Variants in MYLK observed in about 807,000 individuals in gnomAD.
MYLK encodes myosin light chain kinase.
In MYLK, 106 loss-of-function variants were observed where a neutral mutation model predicts 203.4. The observed-to-expected ratio is 0.52, with a 90% CI of 0.45 to 0.61. The LOEUF is 0.61. Among genes scored for constraint, MYLK ranks in the 20% least tolerant of loss-of-function variants. The pLI is 0.00. For missense variants in MYLK, 2,072 were observed against 2,442.3 expected, an observed-to-expected ratio of 0.85 and a Z score of 3.20; for synonymous variants, 867 against 959.5, an observed-to-expected ratio of 0.90 and a Z score of 1.78.
intron 23 of MYLK, among the ~76,000 whole-genome samples, chr3:123,658,813 A>G (rs1294076675): frequency 1.3e-5 from 2 of 152,240 alleles, no homozygotes; most frequent in African/African-American, 4.8e-5. Context: ...ATGTATATAC[A>G]TGTGTATATG....
At chr3:123,662,947 A>G (rs1252808617) in intron 23 of MYLK, among the ~76,000 whole-genome samples, 1 of 152,178 alleles carries the variant, frequency 6.6e-6, no homozygotes, top group Non-Finnish European at 1.5e-5. Context: ...AATGTACCCT[A>G]TAAGCTTGAA....
chr3:123,781,091 C>G (rs996276401), intron 4 of MYLK, among the ~76,000 whole-genome samples: 2 of 152,202 alleles, frequency 1.3e-5, no homozygotes, highest in African/African-American at 2.4e-5. Flanking sequence ...ATCCCGGGAC[C>G]TGCTCAGGGA....
At position 123,677,111 on chromosome 3, in the gene MYLK, A is replaced by G. The variant is rs570366547; in HGVS notation, c.3652+5113T>C. ...GCTTAAGGCCTCTTTCCCTCAGGAC[A>G]CTTTTGCTGCTGTGTGACCTAAACT... On this transcript the variant is annotated intron_variant, in intron 20 of 33. Transcript: ENST00000360304. 3.3e-5 allele frequency among the ~76,000 whole-genome samples: 5 copies of G among 152,280 alleles called. No individual in the cohort carries two copies. The South Asian group carries it at 1.0e-3, about 32-fold the overall frequency.
At chr3:123,849,611 C>T (rs7646900) in intron 2 of MYLK, among the ~76,000 whole-genome samples, 130,065 of 152,180 alleles carry the variant, frequency 0.85, 55,952 homozygotes, top group East Asian at 0.96. Flanking sequence ...AACAGTTTGC[C>T]GGAGAAATGG....
At chr3:123,666,129 C>A (rs1419372731) in intron 22 of MYLK, 90 bp downstream of exon 22, 2 of 1,603,342 alleles carry the variant, frequency 1.2e-6, no homozygotes, top group Non-Finnish European at 1.7e-6. Context: ...GTGAGGCCAT[C>A]TCCAGCACGG....
intron 31 of MYLK, chr3:123,621,583 A>G (rs1015477677): frequency 1.3e-5 from 2 of 152,252 alleles, no homozygotes; most frequent in Non-Finnish European, 2.9e-5. Flanking sequence ...TTGAAAGTGA[A>G]TAACTTCTGG....
At chr3:123,709,019 C>A in intron 14 of MYLK, 124 bp from the exon 15 acceptor site, 2 of 794,794 alleles carry the variant, frequency 2.5e-6, no homozygotes, top group East Asian at 5.3e-5. Context: ...TTTCACTTCC[C>A]CATCAGTAAA....
chr3:123,717,173 C>G (rs546099987), intron 13 of MYLK, among the ~76,000 whole-genome samples: 1 of 152,214 alleles, frequency 6.6e-6, no homozygotes, highest in South Asian at 2.1e-4. Flanking sequence ...AGGATCCATA[C>G]GTTATGTTAA....
chr3:123,770,113 C>T (rs1246287625), intron 4 of MYLK, among the ~76,000 whole-genome samples: 6 of 146,766 alleles, frequency 4.1e-5, no homozygotes, highest in African/African-American at 1.0e-4. Flanking sequence ...GAGTTCGAGA[C>T]GAGGCTGACC....
intron 11 of MYLK, among the ~76,000 whole-genome samples, chr3:123,726,475 C>A (rs1271966758): frequency 5.3e-5 from 8 of 152,142 alleles, no homozygotes; most frequent in Non-Finnish European, 4.4e-5. Flanking sequence ...TTTAATATGT[C>A]CCATCAGTGA....
In MYLK at chr3:123,700,090, T is replaced by C; in HGVS notation, c.3378A>G (p.Pro1126=). 1 of 1,613,920 alleles carries C rather than the reference T, an allele frequency of 6.2e-7. No homozygotes were observed. Among genetic ancestry groups the C allele is most frequent in the Non-Finnish European group, 8.5e-7 (1 of 1,179,952 alleles). The stretch of plus-strand genomic sequence containing the variant: ...CGTTCAGCGTCCAGATGATGGTGGC[T>C]GGGGGGTCAGAAGACACCTGGCACT... ...LLQCQVSSDP[P]ATIIWTLNGK... is the part of the protein sequence containing the mutation. Residue 1126 remains proline (P), a synonymous_variant, in exon 18 of 34, where the codon CCA becomes CCG. Transcript: ENST00000360304.
chr3:123,699,473 T>A (rs2061085450), intron 18 of MYLK, among the ~76,000 whole-genome samples: 2 of 152,220 alleles, frequency 1.3e-5, no homozygotes, highest in African/African-American at 4.8e-5. Context: ...GACAGATCCC[T>A]TCAAACCCAC....
At chr3:123,727,875 G>A (rs570105048) in intron 11 of MYLK, among the ~76,000 whole-genome samples, 2 of 152,226 alleles carry the variant, frequency 1.3e-5, no homozygotes, top group East Asian at 1.9e-4. Flanking sequence ...AGAAAGAGAA[G>A]TCTTGGGAAG....
At chr3:123,632,292 CCT>C (rs2058465216) in intron 29 of MYLK, among the ~76,000 whole-genome samples, 1 of 152,132 alleles carries the variant, frequency 6.6e-6, no homozygotes, top group Non-Finnish European at 1.5e-5. Context: ...CAGGAAGCAG[CCT>C]GTCTCTTGCC....
chr3:123,674,459 T>C (rs1255455013), intron 20 of MYLK, among the ~76,000 whole-genome samples: 5 of 152,214 alleles, frequency 3.3e-5, no homozygotes, highest in African/African-American at 1.2e-4. Flanking sequence ...ATTCAACTCA[T>C]CTTACGAGGT....
At chr3:123,624,230 C>T (rs1275128541) in intron 31 of MYLK, 3 of 151,246 alleles carry the variant, frequency 2.0e-5, no homozygotes, top group Admixed American at 6.6e-5. Context: ...GAGGCCGAGT[C>T]GAGAAGATTG....
At chr3:123,658,893 A>G (rs982076267) in intron 23 of MYLK, among the ~76,000 whole-genome samples, 4 of 152,172 alleles carry the variant, frequency 2.6e-5, no homozygotes, top group Admixed American at 6.5e-5. Context: ...ATTCCAGCCC[A>G]GAATGCACTG....
Position 123,739,042 on chromosome 3 carries a change from G to A in MYLK, c.443C>T (p.Ala148Val), listed in dbSNP as rs2062775229. ...CCAGATGCTAGGACGGGTCTCCACTGCTGGAGCTGAAAATCTATCCCTGTA... is the reference window on the plus strand; with the variant it reads ...CCAGATGCTAGGACGGGTCTCCACTACTGGAGCTGAAAATCTATCCCTGTA... ...KTLGDRFSAPAVETRPSIWGE... is the reference protein window; with the variant it reads ...KTLGDRFSAPVVETRPSIWGE... The change falls in exon 7 of 34, where the codon GCA becomes GTA. Residue 148 changes from alanine (A) to valine (V), a missense_variant. Physicochemically the swap from Ala to Val is moderately conservative, Grantham distance 64. Coordinates refer to ENST00000360304, the MANE Select transcript of MYLK (RefSeq NM_053025.4). 2.5e-6 allele frequency: 4 copies of A among 1,613,884 alleles called. No homozygotes were observed. Among genetic ancestry groups the A allele is most frequent in the Non-Finnish European group, 3.4e-6 (4 of 1,179,964 alleles).
At chr3:123,764,727 G>T (rs1305904772) in intron 4 of MYLK, among the ~76,000 whole-genome samples, 2 of 152,194 alleles carry the variant, frequency 1.3e-5, no homozygotes, top group Non-Finnish European at 2.9e-5. Flanking sequence ...GGGGTCTGGG[G>T]CATGGACTAC....
Sources: allele counts gnomAD v4.1 joint callset (sites outside exome capture counted in the v4.1 genomes callset), GRCh38; gene constraint gnomAD v4.1.1; transcripts MANE v1.5; gene names NCBI Gene and HGNC (gene_info 2026-07-23, HGNC 2026-07-21).